The following FANCD2OS variants were observed in gnomAD, a reference collection of about 807,000 sequenced individuals.
FANCD2OS encodes FANCD2 opposite strand protein.
In FANCD2OS, 11 loss-of-function variants were observed where a neutral mutation model predicts 13.2. The ratio of observed to expected loss-of-function variants is 0.83; its 90% CI spans 0.52 to 1.38. The LOEUF is 1.38. FANCD2OS is among the 40% of genes most tolerant of loss of function. FANCD2OS has a pLI of 0.00. For synonymous variants in FANCD2OS, 69 were observed against 84.5 expected (o/e 0.82, Z 1.01); for missense variants, 217 against 213.9 (o/e 1.01, Z -0.09).
At chr3:10,083,438 G>A (rs2125064176) in intron 2 of FANCD2OS, 1 of 152,322 alleles carries the variant, frequency 6.6e-6, no homozygotes, top group East Asian at 1.9e-4. Flanking sequence ...TTGGTGAGAA[G>A]GTGGAACAGC....
At position 10,089,921 on chromosome 3, in the gene FANCD2OS, C is replaced by T. The variant is rs143306443; in HGVS notation, c.*44-8390G>A. On this transcript the variant is annotated intron_variant, in intron 2 of 2. Transcript: ENST00000524279. ...ATCTCATTTGATCCTTTTGATAATT[C>T]TGTGAGGTTGGTATCATTGCCCCTA... Among the ~76,000 whole-genome samples, 146 of 152,280 alleles carry T rather than the reference C, an allele frequency of 9.6e-4. 1 individual carries two copies. The highest frequency in any genetic ancestry group is 3.4e-3 in the Middle Eastern group (1 of 294).
chr3:10,081,795 G>A (rs1394921552), intron 2 of FANCD2OS, among the ~76,000 whole-genome samples: 1 of 152,084 alleles, frequency 6.6e-6, no homozygotes, highest in Non-Finnish European at 1.5e-5. Context: ...TGTGAGCTGG[G>A]CTATTCCATG....
chr3:10,094,969 T>G (rs1694865270), intron 2 of FANCD2OS: 1 of 550,348 alleles, frequency 1.8e-6, no homozygotes, highest in Non-Finnish European at 3.3e-6. Flanking sequence ...TATGTAAAAC[T>G]AAAATGCAGG....
rs774421283 is a variant in FANCD2OS, at chr3:10,090,398, A to G, written c.*44-8867T>C. 3 of 1,555,876 alleles carry G rather than the reference A, an allele frequency of 1.9e-6. No homozygotes were observed. In the South Asian group the frequency reaches 3.3e-5, roughly 17 times the overall value. ...AGACTCGCAGCAGGTGAGTAAGATAATAGTCACTTCAAGAAGTGGACTTTG... is the reference window on the plus strand; with the variant it reads ...AGACTCGCAGCAGGTGAGTAAGATAGTAGTCACTTCAAGAAGTGGACTTTG... On this transcript the variant is annotated intron_variant, in intron 2 of 2. Transcript: ENST00000524279.
chr3:10,087,071 T>A, intron 2 of FANCD2OS: 1 of 1,587,836 alleles, frequency 6.3e-7, no homozygotes, highest in Non-Finnish European at 8.6e-7. Flanking sequence ...TCATGTGGAT[T>A]TAAATATATC....
In FANCD2OS at chr3:10,088,515, C is replaced by G. The variant is rs1472283913; in HGVS notation, c.*44-6984G>C. 6.2e-7 allele frequency: 1 copy of G among 1,609,606 alleles called. No individual in the cohort carries two copies. Among genetic ancestry groups the G allele is most frequent in the South Asian group, 1.1e-5 (1 of 90,982 alleles). On this transcript the variant is annotated intron_variant, in intron 2 of 2. Transcript: ENST00000524279. ...GGGGATAAAGAGAAGAGCAACATCT[C>G]TAATGACCAGCTCCATGCTCTGCTC...
At chr3:10,096,323 C>G in intron 2 of FANCD2OS, 1 of 1,613,924 alleles carries the variant, frequency 6.2e-7, no homozygotes, top group South Asian at 1.1e-5. Flanking sequence ...TATTTCCATT[C>G]AGATTCACCA....
intron 2 of FANCD2OS, chr3:10,088,853 A>C: frequency 6.2e-7 from 1 of 1,614,220 alleles, no homozygotes; most frequent in South Asian, 1.1e-5. Context: ...CACAGAGAGC[A>C]TTCTGAAGGC....
chr3:10,101,391 T>TC (rs1695292326), downstream of FANCD2OS: 1 of 691,256 alleles, frequency 1.4e-6, no homozygotes, highest in African/African-American at 1.8e-5. Flanking sequence ...TTTTTTTTTT[T>TC]TTTTTTTTTT....
downstream of FANCD2OS, chr3:10,098,709 T>C: frequency 6.2e-7 from 1 of 1,614,122 alleles, no homozygotes; most frequent in South Asian, 1.1e-5. Flanking sequence ...TCTTGGTCCA[T>C]TCACATTTAG....
downstream of FANCD2OS, chr3:10,101,065 TAAAA>T (rs78434344): frequency 4.9e-6 from 3 of 616,634 alleles, no homozygotes; most frequent in Admixed American, 2.6e-5. Context: ...AAGACTCCTT[TAAAA>T]AAAAAAAAAA....
intron 2 of FANCD2OS, chr3:10,090,440 CTGATTT>C: frequency 1.8e-6 from 1 of 552,954 alleles, no homozygotes; most frequent in Non-Finnish European, 3.0e-6. Flanking sequence ...TTGGAAGTTG[CTGATTT>C]TTTTTTTTTT....
Position 10,105,768 on chromosome 3 carries a change from AAAATTATATATATATATATATATATATAT to A in FANCD2OS, c.-8-1015_-8-987del, listed in dbSNP as rs1472255782. Among the ~76,000 whole-genome samples the A allele has an allele frequency of 7.8e-5, 4 of 51,406 alleles. No individual in the cohort carries two copies. The African/African-American group carries it at 8.4e-4, about 11-fold the overall frequency. 33.7% of individuals were successfully genotyped at this position (51,406 alleles called of 152,430 possible). On this transcript the variant is annotated intron_variant, in intron 1 of 1. Transcript: ENST00000450660. ...TCCATCTAAAAAAAAAAAAAAAAAA[AAAATTATATATATATATATATATATATAT>A]ATATATATATATATATATATATATT...
At chr3:10,101,535 G>A, downstream of FANCD2OS, 1 of 443,436 alleles carries the variant, frequency 2.3e-6, no homozygotes, top group Non-Finnish European at 4.2e-6. Context: ...ACAGGCACAT[G>A]CCACCATGCC....
chr3:10,094,237 C>A, intron 2 of FANCD2OS: 1 of 1,363,532 alleles, frequency 7.3e-7, no homozygotes, highest in Non-Finnish European at 1.1e-6. Flanking sequence ...GCCTCAGGGG[C>A]CTTTCAGTGA....
Position 10,092,165 on chromosome 3 carries a change from T to A in FANCD2OS, c.*44-10634A>T, listed in dbSNP as rs767539823. 6.2e-7 allele frequency: 1 copy of A among 1,604,414 alleles called. No individual in the cohort carries two copies. The highest frequency in any genetic ancestry group is 2.2e-5 in the East Asian group (1 of 44,818). ...TGGCTGTGACTCAGAGGTGCCCATATATTTGGCTGCCCCAGATTCATGAAG... is the reference window on the plus strand; with the variant it reads ...TGGCTGTGACTCAGAGGTGCCCATAAATTTGGCTGCCCCAGATTCATGAAG... On this transcript the variant is annotated intron_variant, in intron 2 of 2. Coordinates refer to the FANCD2OS transcript ENST00000524279.
In FANCD2OS at chr3:10,105,606, C is replaced by G. The variant is rs140024961; in HGVS notation, c.-8-824G>C. 3.1e-3 allele frequency among the ~76,000 whole-genome samples: 473 copies of G among 150,848 alleles called. 5 individuals are homozygous for G. Among genetic ancestry groups the G allele is most frequent in the African/African-American group, 0.011 (453 of 41,206 alleles). On this transcript the variant is annotated intron_variant, in intron 1 of 1. Coordinates refer to ENST00000450660, the MANE Select transcript of FANCD2OS (RefSeq NM_001164839.2). ...CTCTACTAAAAATACAAAAATTAGCCGGGCGTGGTGGCGCATGCCTGTAGT... is the reference window on the plus strand; with the variant it reads ...CTCTACTAAAAATACAAAAATTAGCGGGGCGTGGTGGCGCATGCCTGTAGT...
chr3:10,089,782 A>C (rs1452994085), intron 2 of FANCD2OS, among the ~76,000 whole-genome samples: 1 of 152,198 alleles, frequency 6.6e-6, no homozygotes, highest in African/African-American at 2.4e-5. Flanking sequence ...TATTTTAGCC[A>C]TCTTGAGAAC....
chr3:10,094,443 G>A (rs559937725), intron 2 of FANCD2OS: 53 of 1,225,012 alleles, frequency 4.3e-5, no homozygotes, highest in Non-Finnish European at 5.5e-5. Flanking sequence ...CCTGGGTGGG[G>A]CTGGGAGTGT....
Sources: allele counts gnomAD v4.1 joint callset (sites outside exome capture counted in the v4.1 genomes callset), GRCh38; gene constraint gnomAD v4.1.1; transcripts MANE v1.5; gene names NCBI Gene and HGNC (gene_info 2026-07-23, HGNC 2026-07-21).